SH3RF3: variants seen among roughly 807,000 people sequenced by gnomAD.
The protein encoded by SH3RF3 is E3 ubiquitin-protein ligase SH3RF3.
Under a neutral mutation model 66.3 loss-of-function variants are expected in SH3RF3, and 29 were observed. The observed-to-expected ratio is 0.44, with a 90% CI of 0.33 to 0.60. SH3RF3 has a LOEUF of 0.60. Among genes scored for constraint, SH3RF3 ranks in the 20% least tolerant of loss-of-function variants. The probability of loss-of-function intolerance (pLI) is 0.04; values close to 1 mark genes in which losing one functional copy is unlikely to be tolerated. For synonymous variants in SH3RF3, 583 were observed against 532.0 expected, an observed-to-expected ratio of 1.10 and a Z score of -1.32; for missense variants, 1,194 against 1,190.9, an observed-to-expected ratio of 1.00 and a Z score of -0.04.
At chr2:109,445,740 T>G (rs1573257620) in intron 7 of SH3RF3, among the ~76,000 whole-genome samples, 1 of 148,824 alleles carries the variant, frequency 6.7e-6, no homozygotes, top group African/African-American at 2.5e-5. Flanking sequence ...AAGGGAGGGG[T>G]GTGGGGAAGT....
chr2:109,342,106 C>A (rs949726170), intron 1 of SH3RF3, among the ~76,000 whole-genome samples: 2 of 152,312 alleles, frequency 1.3e-5, no homozygotes, highest in Admixed American at 1.3e-4. Flanking sequence ...CTGGAGACTG[C>A]AGGTGGGCAG....
intron 1 of SH3RF3, among the ~76,000 whole-genome samples, chr2:109,279,936 G>A (rs962468737): frequency 1.3e-5 from 2 of 152,004 alleles, no homozygotes; most frequent in South Asian, 2.1e-4. Flanking sequence ...GCGGTAAGAG[G>A]TGGAGGGTGA....
intron 2 of SH3RF3, among the ~76,000 whole-genome samples, chr2:109,368,775 CT>C (rs1488448508): frequency 6.7e-6 from 1 of 150,058 alleles, no homozygotes; most frequent in African/African-American, 2.4e-5. Context: ...GCATTTTCTT[CT>C]TTTTGTTTTT....
At chr2:109,433,899 G>A (rs1345828339) in intron 6 of SH3RF3, among the ~76,000 whole-genome samples, 2 of 152,224 alleles carry the variant, frequency 1.3e-5, no homozygotes, top group East Asian at 3.9e-4. Context: ...CTCAAACCCA[G>A]CCACCTGGTC....
intron 8 of SH3RF3, among the ~76,000 whole-genome samples, chr2:109,483,423 G>C (rs989603182): frequency 2.0e-5 from 3 of 152,200 alleles, no homozygotes; most frequent in African/African-American, 7.2e-5. Flanking sequence ...GTATGCTCTC[G>C]GTGCCCAGCA....
intron 1 of SH3RF3, among the ~76,000 whole-genome samples, chr2:109,184,408 C>T (rs1678139540): frequency 6.6e-6 from 1 of 152,206 alleles, no homozygotes; most frequent in South Asian, 2.1e-4. Flanking sequence ...GTGATGAAAG[C>T]AGATATGTCA....
At chr2:109,361,292 A>G (rs992229279) in intron 2 of SH3RF3, among the ~76,000 whole-genome samples, 18 of 152,272 alleles carry the variant, frequency 1.2e-4, no homozygotes, top group East Asian at 3.9e-4. Context: ...TTTTCTTGCA[A>G]TGGCTTTGTC....
chr2:109,450,612 G>A (rs1429425996), intron 8 of SH3RF3, among the ~76,000 whole-genome samples: 1 of 152,066 alleles, frequency 6.6e-6, no homozygotes, highest in Non-Finnish European at 1.5e-5. Flanking sequence ...GAATATTATT[G>A]TTTCAACATG....
Position 109,437,143 on chromosome 2 carries a change from A to G in SH3RF3, c.1825A>G (p.Thr609Ala). ...CAGCCAAGCCCGGAGCACCATTTCA[A>G]CAGGTACCTTCACAGGGGCCTCACC... ...TASQARSTIS[T>A]AAHSAAQAQD... The change falls in exon 7 of 10, where the codon ACA (threonine) becomes GCA (alanine). Residue 609 changes from threonine (T) to alanine (A), a missense_variant. Thr to Ala is a moderately conservative substitution (Grantham distance 58, BLOSUM62 0). Transcript: ENST00000309415. The G allele has an allele frequency of 1.2e-6, 2 of 1,608,810 alleles. No homozygotes were observed. Among genetic ancestry groups the G allele is most frequent in the South Asian group, 1.1e-5 (1 of 90,694 alleles).
chr2:109,376,567 C>G (rs963262162), intron 3 of SH3RF3, among the ~76,000 whole-genome samples: 3 of 152,226 alleles, frequency 2.0e-5, no homozygotes, highest in African/African-American at 7.2e-5. Flanking sequence ...ACAGTAGACA[C>G]AAGTGTCAAG....
rs778282246 is a variant in SH3RF3, at chr2:109,437,133, C to T, written c.1815C>T (p.Ser605=). The change falls in exon 7 of 10, where the codon AGC becomes AGT. Residue 605 remains serine (S), a synonymous_variant. Transcript: ENST00000309415. ...AGCCAACGGCCAGCCAAGCCCGGAG[C>T]ACCATTTCAACAGGTACCTTCACAG... is the stretch of plus-strand genomic sequence containing the variant. ...SAQPTASQAR[S]TISTAAHSAA... The T allele has an allele frequency of 1.5e-5, 24 of 1,611,114 alleles. 1 individual carries two copies. In the South Asian group the frequency reaches 2.4e-4, roughly 16 times the overall value.
At chr2:109,312,021 A>G (rs1681739344) in intron 1 of SH3RF3, among the ~76,000 whole-genome samples, 1 of 136,712 alleles carries the variant, frequency 7.3e-6, no homozygotes, top group African/African-American at 3.3e-5. Flanking sequence ...TTTTGAACTG[A>G]CTTGAGCGTT....
At chr2:109,397,228 C>T (rs1215689549) in intron 3 of SH3RF3, among the ~76,000 whole-genome samples, 1 of 152,196 alleles carries the variant, frequency 6.6e-6, no homozygotes, top group Non-Finnish European at 1.5e-5. Context: ...CTCCCGCTTC[C>T]TCCTGCCCTG....
At chr2:109,233,151 G>T (rs1385682816) in intron 1 of SH3RF3, among the ~76,000 whole-genome samples, 1 of 152,210 alleles carries the variant, frequency 6.6e-6, no homozygotes, top group Non-Finnish European at 1.5e-5. Context: ...GGATGGCTAG[G>T]TGTTAACCAG....
rs548604815 is a variant in SH3RF3, at chr2:109,186,593, C to T, written c.573+56480C>T. Among the ~76,000 whole-genome samples the T allele has an allele frequency of 2.0e-5, 3 of 152,316 alleles. No individual in the cohort carries two copies. The East Asian group carries it at 5.8e-4, about 29-fold the overall frequency. ...AAAGCAAACAAATAACCTCCTGCCC[C>T]CAGTTTATTAAAAAACAGCTCCTGT... On this transcript the variant is annotated intron_variant, in intron 1 of 9. Coordinates refer to ENST00000309415, the MANE Select transcript of SH3RF3 (RefSeq NM_001099289.3).
Position 109,419,598 on chromosome 2 carries a change from T to C in SH3RF3, c.1359T>C (p.Ser453=), listed in dbSNP as rs1403688188. ...PTAVPRAASV[S]GEQGTPPKVQ... ...CTGTCCCACGGGCTGCCTCGGTGTC[T>C]GGAGAGCAGGGCACGCCTCCCAAGG... The change falls in exon 5 of 10, where the codon TCT becomes TCC. Residue 453 remains serine, a synonymous_variant. Coordinates refer to ENST00000309415, the MANE Select transcript of SH3RF3 (RefSeq NM_001099289.3). 6.3e-7 allele frequency: 1 copy of C among 1,596,502 alleles called. No homozygotes were observed. Among genetic ancestry groups the C allele is most frequent in the Admixed American group, 1.7e-5 (1 of 57,652 alleles).
chr2:109,138,743 G>A (rs2104822492), intron 1 of SH3RF3, among the ~76,000 whole-genome samples: 1 of 152,358 alleles, frequency 6.6e-6, no homozygotes, highest in African/African-American at 2.4e-5. Flanking sequence ...CTGTGGAGCT[G>A]TCACCATGGC....
At chr2:109,251,991 C>A (rs1046137282) in intron 1 of SH3RF3, among the ~76,000 whole-genome samples, 1 of 152,052 alleles carries the variant, frequency 6.6e-6, no homozygotes, top group Non-Finnish European at 1.5e-5. Context: ...GACTATAATC[C>A]CACCACTTTG....
At position 109,156,283 on chromosome 2, in the gene SH3RF3, A is replaced by C. The variant is rs139972953; in HGVS notation, c.573+26170A>C. ...TCCAACCACCAGAGATCGAGTTGCT[A>C]TCTCATCTTCAGTGTTTTCTCCGCC... On this transcript the variant is annotated intron_variant, in intron 1 of 9. Transcript: ENST00000309415. 5.3e-5 allele frequency among the ~76,000 whole-genome samples: 8 copies of C among 152,288 alleles called. No individual in the cohort carries two copies. The East Asian group carries it at 1.5e-3, about 29-fold the overall frequency.
Sources: gnomAD v4.1 joint callset for allele counts (sites outside exome capture counted in the v4.1 genomes callset) on GRCh38, gnomAD v4.1.1 for gene constraint, MANE v1.5 for transcripts, NCBI Gene and HGNC (gene_info 2026-07-23, HGNC 2026-07-21) for gene names.